Variants in SMOC1 observed in about 807,000 individuals in gnomAD.
The protein encoded by SMOC1 is SPARC related modular calcium binding 1, also known as SPARC-related modular calcium-binding protein 1.
Under a neutral mutation model 56.3 loss-of-function variants are expected in SMOC1, and 22 were observed. The observed-to-expected ratio is 0.39, with a 90% CI of 0.28 to 0.56. The LOEUF is 0.56. SMOC1 is among the 20% of genes least tolerant of loss of function. SMOC1 has a pLI of 0.61. For synonymous variants in SMOC1, 193 were observed against 215.0 expected, an observed-to-expected ratio of 0.90 and a Z score of 0.89; for missense variants, 509 against 565.4, an observed-to-expected ratio of 0.90 and a Z score of 1.01.
chr14:69,925,959 G>GC lies in SMOC1; in HGVS notation c.100-26173dup, dbSNP rs1884998768. Among the ~76,000 whole-genome samples the GC allele has an allele frequency of 2.0e-5, 3 of 152,074 alleles. 1 individual carries two copies. The South Asian group carries it at 6.2e-4, about 32-fold the overall frequency. ...CTGGAGAGGAGTCTTAGCTCTTCCT[G>GC]CCCCCCACTCTCCCGCAGAGACTTA... is the stretch of plus-strand genomic sequence containing the variant. On this transcript the variant is annotated intron_variant, in intron 1 of 11. Coordinates refer to ENST00000361956, the MANE Select transcript of SMOC1 (RefSeq NM_001034852.3).
At chr14:70,000,323 T>C (rs1884920119) in intron 7 of SMOC1, among the ~76,000 whole-genome samples, 1 of 152,220 alleles carries the variant, frequency 6.6e-6, no homozygotes, top group Non-Finnish European at 1.5e-5. Context: ...AAATTTTTAT[T>C]TGCTAGAACT....
At chr14:70,005,596 G>C (rs1260729242) in intron 7 of SMOC1, among the ~76,000 whole-genome samples, 3 of 152,196 alleles carry the variant, frequency 2.0e-5, no homozygotes, top group Non-Finnish European at 2.9e-5. Context: ...TATTTACCAT[G>C]TGCCAGACTA....
intron 1 of SMOC1, among the ~76,000 whole-genome samples, chr14:69,881,553 A>T (rs1338356837): frequency 6.6e-6 from 1 of 152,106 alleles, no homozygotes; most frequent in Non-Finnish European, 1.5e-5. Flanking sequence ...AATTTGATAG[A>T]AGTGATGGAA....
chr14:69,934,686 A>G (rs1423119256), intron 1 of SMOC1, among the ~76,000 whole-genome samples: 2 of 152,210 alleles, frequency 1.3e-5, no homozygotes, highest in Non-Finnish European at 2.9e-5. Flanking sequence ...AGAAACCTAC[A>G]TCTTCTTTAC....
In SMOC1 at chr14:70,003,110, T is replaced by C. The variant is rs184800455; in HGVS notation, c.665-7644T>C. On this transcript the variant is annotated intron_variant, in intron 7 of 11. Coordinates refer to ENST00000361956, the MANE Select transcript of SMOC1 (RefSeq NM_001034852.3). ...TTTCTTATGCCTCTGGAATTTCATG[T>C]TGTAATTTAGAAAGGTTGTTTTCAA... is the stretch of plus-strand genomic sequence containing the variant. 4.9e-4 allele frequency among the ~76,000 whole-genome samples: 75 copies of C among 152,352 alleles called. 1 individual carries two copies. The highest frequency in any genetic ancestry group is 3.4e-3 in the Middle Eastern group (1 of 294).
At chr14:69,920,326 G>A (rs892683662) in intron 1 of SMOC1, among the ~76,000 whole-genome samples, 2 of 152,174 alleles carry the variant, frequency 1.3e-5, no homozygotes, top group African/African-American at 2.4e-5. Flanking sequence ...TATTACTGCC[G>A]TTTACCTCTG....
At chr14:69,937,882 C>T (rs1265968493) in intron 1 of SMOC1, among the ~76,000 whole-genome samples, 2 of 152,270 alleles carry the variant, frequency 1.3e-5, no homozygotes, top group African/African-American at 2.4e-5. Flanking sequence ...AGGAAGCACA[C>T]GAGTTAAACA....
At chr14:69,955,562 C>T (rs1883152432) in intron 3 of SMOC1, among the ~76,000 whole-genome samples, 1 of 152,006 alleles carries the variant, frequency 6.6e-6, no homozygotes, top group African/African-American at 2.4e-5. Flanking sequence ...AGTTAACACA[C>T]ATGAAACACT....
At chr14:69,910,686 A>G (rs1884534908) in intron 1 of SMOC1, among the ~76,000 whole-genome samples, 1 of 151,984 alleles carries the variant, frequency 6.6e-6, no homozygotes, top group Non-Finnish European at 1.5e-5. Context: ...GCAGCTGCAT[A>G]GGGTCAAGAG....
chr14:69,932,411 T>C (rs547507905), intron 1 of SMOC1, among the ~76,000 whole-genome samples: 11 of 152,230 alleles, frequency 7.2e-5, no homozygotes, highest in Admixed American at 2.0e-4. Context: ...CCCACATGCC[T>C]CCTCCTGTCC....
chr14:69,988,979 T>G (rs572415106), intron 5 of SMOC1, among the ~76,000 whole-genome samples: 42 of 152,380 alleles, frequency 2.8e-4, no homozygotes, highest in African/African-American at 9.1e-4. Context: ...AGTTTGAAGC[T>G]TTAATGAATA....
intron 1 of SMOC1, among the ~76,000 whole-genome samples, chr14:69,923,499 A>G (rs187691461): frequency 1.3e-5 from 2 of 152,084 alleles, no homozygotes; most frequent in African/African-American, 2.4e-5. Context: ...TTTTCTTCTC[A>G]ATCTCCTCTA....
intron 6 of SMOC1, among the ~76,000 whole-genome samples, 189 bp downstream of exon 6, chr14:69,992,662 T>G (rs1884607667): frequency 6.6e-6 from 1 of 152,230 alleles, no homozygotes; most frequent in South Asian, 2.1e-4. Context: ...ATTGGTACAC[T>G]CTCCACTTCT....
chr14:69,982,694 T>C (rs1884223071), intron 5 of SMOC1, among the ~76,000 whole-genome samples: 1 of 152,206 alleles, frequency 6.6e-6, no homozygotes, highest in Admixed American at 6.5e-5. Context: ...TTAAATCTCT[T>C]CCCGACTACC....
intron 4 of SMOC1, among the ~76,000 whole-genome samples, chr14:69,976,756 G>A (rs1282523815): frequency 1.3e-5 from 2 of 152,120 alleles, no homozygotes; most frequent in East Asian, 1.9e-4. Flanking sequence ...TGTGCATAGG[G>A]TTTTATTGAT....
intron 3 of SMOC1, among the ~76,000 whole-genome samples, chr14:69,975,485 G>C (rs1178346549): frequency 6.6e-6 from 1 of 152,206 alleles, no homozygotes; most frequent in Non-Finnish European, 1.5e-5. Context: ...AGGAATAAGA[G>C]AGAAGCAGGT....
chr14:69,905,274 G>A (rs998951235), intron 1 of SMOC1, among the ~76,000 whole-genome samples: 1 of 152,018 alleles, frequency 6.6e-6, no homozygotes, highest in African/African-American at 2.4e-5. Flanking sequence ...GCAGGAGTTG[G>A]AGAGGAACGT....
intron 10 of SMOC1, among the ~76,000 whole-genome samples, chr14:70,016,143 A>G (rs1885504214): frequency 6.6e-6 from 1 of 152,172 alleles, no homozygotes; most frequent in South Asian, 2.1e-4. Flanking sequence ...GGGGACGCAG[A>G]TGGGCCCTGC....
chr14:70,004,149 G>A (rs1885067697), intron 7 of SMOC1, among the ~76,000 whole-genome samples: 1 of 152,154 alleles, frequency 6.6e-6, no homozygotes, highest in Non-Finnish European at 1.5e-5. Context: ...TCTTTCTCCA[G>A]GAAGACTGCA....
Sources: allele counts gnomAD v4.1 joint callset (sites outside exome capture counted in the v4.1 genomes callset), GRCh38; gene constraint gnomAD v4.1.1; transcripts MANE v1.5; gene names NCBI Gene and HGNC (gene_info 2026-07-23, HGNC 2026-07-21).